TBC1D2: variants seen among roughly 807,000 people sequenced by gnomAD.
The protein encoded by TBC1D2 is TBC1 domain family member 2A.
A neutral mutation model predicts 91.1 loss-of-function variants in TBC1D2; 58 were observed. The ratio of observed to expected loss-of-function variants is 0.64; its 90% CI spans 0.52 to 0.79. TBC1D2 has a LOEUF of 0.79. Ranked by LOEUF, TBC1D2 falls within the 30% of genes least tolerant of loss-of-function variation. The pLI is 0.00. For missense variants in TBC1D2, 1,080 were observed against 1,208.3 expected, an observed-to-expected ratio of 0.89 and a Z score of 1.57; for synonymous variants, 482 against 511.5, an observed-to-expected ratio of 0.94 and a Z score of 0.78.
Position 98,213,199 on chromosome 9 carries a change from C to T in TBC1D2, c.1394G>A (p.Arg465Gln), listed in dbSNP as rs200551293. ...GGAGTTGAGGAAGCAGTTCTGGGTC[C>T]GGTAAGCTTCCATGTCATCCTGGAG... ...EHLKDDMEAY[R>Q]TQNCFLNSEI... The change falls in exon 7 of 13, where the codon CGG (arginine) becomes CAG (glutamine). Residue 465 changes from arginine (R) to glutamine (Q), a missense_variant. Physicochemically the swap from Arg to Gln is conservative, Grantham distance 43. Coordinates refer to ENST00000465784, the MANE Select transcript of TBC1D2 (RefSeq NM_001267571.2). 2.9e-4 allele frequency: 471 copies of T among 1,614,118 alleles called. 6 individuals carry two copies. The East Asian group carries it at 8.5e-3, about 29-fold the overall frequency.
intron 10 of TBC1D2, among the ~76,000 whole-genome samples, chr9:98,202,815 A>C (rs139668371): frequency 1.0e-3 from 156 of 152,408 alleles, no homozygotes; most frequent in African/African-American, 3.7e-3. Context: ...AGATGTAAAA[A>C]TTAAATATGT....
chr9:98,239,685 T>C (rs1829590470), intron 3 of TBC1D2, among the ~76,000 whole-genome samples: 1 of 152,244 alleles, frequency 6.6e-6, no homozygotes, highest in Non-Finnish European at 1.5e-5. Context: ...TCTTATAAAA[T>C]GAGTTGGGGG....
intron 2 of TBC1D2, among the ~76,000 whole-genome samples, chr9:98,244,618 C>T (rs977242575): frequency 7.4e-6 from 1 of 134,870 alleles, no homozygotes; most frequent in African/African-American, 2.8e-5. Flanking sequence ...GAGATCGCGC[C>T]ATTGCACTCC....
At chr9:98,230,351 C>T (rs1829336250) in intron 4 of TBC1D2, among the ~76,000 whole-genome samples, 1 of 152,242 alleles carries the variant, frequency 6.6e-6, no homozygotes, top group Admixed American at 6.5e-5. Context: ...TGCCTACTCT[C>T]AGATATTTTG....
intron 5 of TBC1D2, among the ~76,000 whole-genome samples, chr9:98,227,980 A>T (rs773475313): frequency 6.6e-6 from 1 of 152,168 alleles, no homozygotes; most frequent in Non-Finnish European, 1.5e-5. Flanking sequence ...TGTACAAGTT[A>T]TAAGAAATAT....
chr9:98,211,126 T>G (rs1412942509), intron 7 of TBC1D2, among the ~76,000 whole-genome samples: 2 of 152,252 alleles, frequency 1.3e-5, no homozygotes, highest in East Asian at 3.8e-4. Flanking sequence ...AGTCCCATCC[T>G]GGTTCAGCCA....
chr9:98,210,943 C>G, intron 7 of TBC1D2, 100 bp from the exon 8 acceptor site: 1 of 1,096,644 alleles, frequency 9.1e-7, no homozygotes, highest in South Asian at 1.7e-5. Context: ...CCTTCCAGCT[C>G]TCATCTGCCC....
intron 7 of TBC1D2, 56 bp from the exon 8 acceptor site, chr9:98,210,899 G>C: frequency 6.9e-7 from 1 of 1,457,116 alleles, no homozygotes; most frequent in East Asian, 2.5e-5. Flanking sequence ...CCGCCCCAGA[G>C]GCCTGAGGCC....
chr9:98,206,130 G>A (rs889987996), intron 9 of TBC1D2, among the ~76,000 whole-genome samples: 6 of 151,814 alleles, frequency 4.0e-5, no homozygotes, highest in African/African-American at 1.5e-4. Context: ...GCTAATTGTT[G>A]TATTTTTAGT....
intron 11 of TBC1D2, 79 bp downstream of exon 11, chr9:98,201,400 T>G: frequency 7.4e-7 from 1 of 1,350,970 alleles, no homozygotes; most frequent in Non-Finnish European, 1.0e-6. Context: ...CTTCCCATTC[T>G]CCAGGGGCAG....
intron 5 of TBC1D2, among the ~76,000 whole-genome samples, chr9:98,227,576 GTGAAAC>G (rs1829261435): frequency 6.6e-6 from 1 of 151,430 alleles, no homozygotes; most frequent in Non-Finnish European, 1.5e-5. Flanking sequence ...TGCCAACATG[GTGAAAC>G]CTAGTCTCTA....
chr9:98,244,528 G>A (rs568268489), intron 2 of TBC1D2, among the ~76,000 whole-genome samples: 5 of 151,962 alleles, frequency 3.3e-5, no homozygotes, highest in South Asian at 2.1e-4. Context: ...GCGTGGTGGC[G>A]CATTCTTGCA....
Position 98,255,414 on chromosome 9 carries a change from G to T in TBC1D2, c.128C>A (p.Ala43Glu), listed in dbSNP as rs748036962. ...ESGDCARSLE[A>E]VPKKLCGYLS... ...ATACCCACAGAGTTTCTTGGGGACC[G>T]CCTCCAGGGACCGGGCGCAGTCCCC... Residue 43 changes from alanine (A) to glutamate (E), a missense_variant, in exon 1 of 13, where the codon GCG becomes GAG. Physicochemically the swap from Ala to Glu is moderately radical, Grantham distance 107. Transcript: ENST00000465784. 2 of 1,612,710 alleles carry T rather than the reference G, an allele frequency of 1.2e-6. No homozygotes were observed. The highest frequency in any genetic ancestry group is 1.7e-6 in the Non-Finnish European group (2 of 1,178,890).
At position 98,233,539 on chromosome 9, in the gene TBC1D2, G is replaced by A. The variant is rs1202267979; in HGVS notation, c.658C>T (p.His220Tyr). ...HLGTEIQNTM[H>Y]NIRGNKQAQG... ...GCCTGCTTGTTGCCACGGATGTTGT[G>A]CATTGTGTTCCTGAAAGGAGACAAG... Residue 220 changes from histidine (H) to tyrosine (Y), a missense_variant, in exon 4 of 13, where the codon CAC becomes TAC. His to Tyr is a moderately conservative substitution (Grantham distance 83, BLOSUM62 2). Transcript: ENST00000465784. 1 of 1,614,140 alleles carries A rather than the reference G, an allele frequency of 6.2e-7. No homozygotes were observed. Among genetic ancestry groups the A allele is most frequent in the Non-Finnish European group, 8.5e-7 (1 of 1,179,994 alleles).
At chr9:98,249,779 T>G (rs1563991491) in intron 2 of TBC1D2, among the ~76,000 whole-genome samples, 1 of 152,238 alleles carries the variant, frequency 6.6e-6, no homozygotes, top group African/African-American at 2.4e-5. Flanking sequence ...CATATAGACA[T>G]AGAATAACAA....
intron 3 of TBC1D2, 52 bp downstream of exon 3, chr9:98,243,942 C>G: frequency 1.3e-6 from 2 of 1,570,994 alleles, no homozygotes; most frequent in South Asian, 2.3e-5. Context: ...TCAAGCTCCA[C>G]TGAAGGGGCT....
rs184620701 is a variant in TBC1D2 at position 98,234,933 on chromosome 9, C to T, written c.648-1384G>A. 199 of 183,658 alleles carry T rather than the reference C, an allele frequency of 1.1e-3. 3 individuals are homozygous for T. Among genetic ancestry groups the T allele is most frequent in the Non-Finnish European group, 4.8e-4 (42 of 86,922 alleles). 11.4% of individuals were successfully genotyped at this position (183,658 alleles called of 1,614,324 possible). A position where few individuals can be genotyped will look rare whatever the true frequency, so the allele number is the denominator to read the frequency against. ...TAAAGATCTGGGATATGGCTGGGCACGGTGGCTCACGCCTGTAATCCCAGC... is the reference window on the plus strand; with the variant it reads ...TAAAGATCTGGGATATGGCTGGGCATGGTGGCTCACGCCTGTAATCCCAGC... On this transcript the variant is annotated intron_variant, in intron 3 of 12. Coordinates refer to ENST00000465784, the MANE Select transcript of TBC1D2 (RefSeq NM_001267571.2).
intron 6 of TBC1D2, among the ~76,000 whole-genome samples, chr9:98,216,871 A>T (rs1828982723): frequency 6.6e-6 from 1 of 152,108 alleles, no homozygotes; most frequent in Non-Finnish European, 1.5e-5. Context: ...CACCCAGCTA[A>T]TTAATTTTTA....
chr9:98,240,167 GT>G (rs1829601687), intron 3 of TBC1D2, among the ~76,000 whole-genome samples: 1 of 30,612 alleles, frequency 3.3e-5, no homozygotes, highest in African/African-American at 8.2e-4. Context: ...TGTTTGTGTG[GT>G]GTGTGTGTGT....
Sources: allele counts gnomAD v4.1 joint callset (sites outside exome capture counted in the v4.1 genomes callset), GRCh38; gene constraint gnomAD v4.1.1; transcripts MANE v1.5; gene names NCBI Gene and HGNC (gene_info 2026-07-23, HGNC 2026-07-21).